The following NALCN variants were observed in gnomAD, a reference collection of about 807,000 sequenced individuals.
The protein encoded by NALCN is sodium leak channel, non-selective.
A neutral mutation model predicts 225.3 loss-of-function variants in NALCN; 111 were observed. The ratio of observed to expected loss-of-function variants is 0.49; its 90% CI spans 0.42 to 0.58. The LOEUF (loss-of-function observed/expected upper bound fraction) is 0.58, where lower values mean the gene tolerates loss of function less well. Among genes scored for constraint, NALCN ranks in the 20% least tolerant of loss-of-function variants. The probability of loss-of-function intolerance (pLI) is 0.00; values close to 1 mark genes in which losing one functional copy is unlikely to be tolerated. For synonymous variants in NALCN, 764 were observed against 769.0 expected, an observed-to-expected ratio of 0.99 and a Z score of 0.11; for missense variants, 1,378 against 2,202.4, an observed-to-expected ratio of 0.63 and a Z score of 7.49.
intron 11 of NALCN, among the ~76,000 whole-genome samples, chr13:101,249,421 A>G (rs1411925916): frequency 6.6e-6 from 1 of 152,208 alleles, no homozygotes. Context: ...TGTCTATTCC[A>G]TTTGTGAAAG....
chr13:101,116,333 T>TAAAA (rs1555384635), intron 18 of NALCN: 1 of 235,150 alleles, frequency 4.3e-6, no homozygotes, highest in Admixed American at 4.6e-5. Flanking sequence ...TATATATATA[T>TAAAA]AATCTTTTAT....
chr13:101,392,836 A>G (rs113123901), intron 3 of NALCN, among the ~76,000 whole-genome samples: 6 of 152,236 alleles, frequency 3.9e-5, no homozygotes, highest in African/African-American at 1.4e-4. Context: ...AGAATATAAT[A>G]TTAATGTATA....
intron 13 of NALCN, among the ~76,000 whole-genome samples, chr13:101,208,270 C>G (rs776839148): frequency 2.6e-5 from 4 of 152,156 alleles, no homozygotes; most frequent in Non-Finnish European, 4.4e-5. Context: ...ACACTCATCA[C>G]AGAGGTCTGC....
rs1051906548 is a variant in NALCN at position 101,274,880 on chromosome 13, C to T, written c.1134+9053G>A. The stretch of plus-strand genomic sequence containing the variant: ...TTGTAAGTACTGCAGTCAAGTCTCA[C>T]CACTTAGTATGGCCAAAGAGTTGTG... On this transcript the variant is annotated intron_variant, in intron 10 of 43. Transcript: ENST00000251127. Among the ~76,000 whole-genome samples, 7 of 152,090 alleles carry T rather than the reference C, an allele frequency of 4.6e-5. 1 individual carries two copies. The highest frequency in any genetic ancestry group is 4.2e-4 in the South Asian group (2 of 4,818).
chr13:101,080,331 G>A (rs1391632062), intron 34 of NALCN, among the ~76,000 whole-genome samples: 1 of 151,988 alleles, frequency 6.6e-6, no homozygotes, highest in Non-Finnish European at 1.5e-5. Flanking sequence ...AAGATATGCT[G>A]TAAATGTAAG....
intron 7 of NALCN, among the ~76,000 whole-genome samples, chr13:101,324,459 C>T (rs774087573): frequency 3.3e-5 from 5 of 152,174 alleles, no homozygotes; most frequent in South Asian, 2.1e-4. Context: ...AATTGTCGAG[C>T]AGTGGTTTGT....
At chr13:101,135,827 G>T (rs2036757390) in intron 17 of NALCN, among the ~76,000 whole-genome samples, 1 of 152,178 alleles carries the variant, frequency 6.6e-6, no homozygotes, top group South Asian at 2.1e-4. Flanking sequence ...AGAGGAAAAA[G>T]TTTAAAAAGA....
chr13:101,383,267 AC>A (rs2046898991), intron 3 of NALCN, among the ~76,000 whole-genome samples: 1 of 152,156 alleles, frequency 6.6e-6, no homozygotes, highest in African/African-American at 2.4e-5. Context: ...ATCTTGTGTT[AC>A]TCGCAGAATA....
At chr13:101,306,700 G>A (rs193068656) in intron 7 of NALCN, among the ~76,000 whole-genome samples, 3 of 152,286 alleles carry the variant, frequency 2.0e-5, no homozygotes, top group African/African-American at 7.2e-5. Context: ...TGTGGGTCAG[G>A]CTTGGCTCAT....
At chr13:101,401,753 C>T (rs1285286622) in intron 1 of NALCN, among the ~76,000 whole-genome samples, 7 of 152,150 alleles carry the variant, frequency 4.6e-5, no homozygotes, top group Non-Finnish European at 8.8e-5. Context: ...TCCCAGGTGC[C>T]ACTAAATCTC....
intron 10 of NALCN, among the ~76,000 whole-genome samples, chr13:101,270,140 CCAACCACATAGTTA>C (rs1209964767): frequency 6.6e-6 from 1 of 152,282 alleles, no homozygotes; most frequent in Admixed American, 6.5e-5. Context: ...TAGTACTCCG[CCAACCACATAGTTA>C]CTGAATAATC....
intron 7 of NALCN, among the ~76,000 whole-genome samples, chr13:101,332,397 CAAAAAAAAAAAAAA>C (rs753158247): frequency 6.9e-5 from 4 of 57,854 alleles, no homozygotes; most frequent in Non-Finnish European, 1.2e-4. Flanking sequence ...TTCACAAAGC[CAAAAAAAAAAAAAA>C]AAAAAAAAAG....
intron 7 of NALCN, among the ~76,000 whole-genome samples, chr13:101,322,287 T>C (rs1160031451): frequency 2.0e-5 from 3 of 152,210 alleles, no homozygotes; most frequent in African/African-American, 7.2e-5. Flanking sequence ...TGACACAAAG[T>C]ACGTCAATGT....
chr13:101,337,303 TA>T (rs2045409925), intron 7 of NALCN, among the ~76,000 whole-genome samples: 1 of 149,978 alleles, frequency 6.7e-6, no homozygotes, highest in African/African-American at 2.5e-5. Flanking sequence ...TTTATTTATT[TA>T]TTTATTTATT....
chr13:101,321,320 A>T (rs1439908072), intron 7 of NALCN, among the ~76,000 whole-genome samples: 1 of 152,180 alleles, frequency 6.6e-6, no homozygotes, highest in Non-Finnish European at 1.5e-5. Flanking sequence ...TAGAAGAAAA[A>T]AACCTGAGTG....
At chr13:101,359,155 T>C (rs1191149168) in intron 6 of NALCN, among the ~76,000 whole-genome samples, 3 of 152,174 alleles carry the variant, frequency 2.0e-5, no homozygotes, top group Non-Finnish European at 4.4e-5. Context: ...GTAGCAAACC[T>C]GCACATTCTG....
At chr13:101,405,980 G>A (rs1242495552) in intron 1 of NALCN, among the ~76,000 whole-genome samples, 2 of 151,958 alleles carry the variant, frequency 1.3e-5, no homozygotes, top group Non-Finnish European at 1.5e-5. Context: ...TAACAAAAAT[G>A]TTGGTTGAGG....
intron 6 of NALCN, among the ~76,000 whole-genome samples, chr13:101,369,172 G>GTGTA (rs982852188): frequency 6.6e-6 from 1 of 151,132 alleles, no homozygotes; most frequent in African/African-American, 2.4e-5. Flanking sequence ...ATAAATGTGT[G>GTGTA]TGTGTGTGTG....
intron 37 of NALCN, among the ~76,000 whole-genome samples, chr13:101,070,962 G>A (rs2032836243): frequency 1.3e-5 from 2 of 152,234 alleles, no homozygotes; most frequent in South Asian, 4.2e-4. Flanking sequence ...TTCACATGGT[G>A]GCAGCAAGAA....
Sources: allele counts gnomAD v4.1 joint callset (sites outside exome capture counted in the v4.1 genomes callset), GRCh38; gene constraint gnomAD v4.1.1; transcripts MANE v1.5; gene names NCBI Gene and HGNC (gene_info 2026-07-23, HGNC 2026-07-21).